TACC2: variants seen among roughly 807,000 people sequenced by gnomAD.
TACC2 encodes the protein transforming acidic coiled-coil containing protein 2.
TACC2 carries 137 observed loss-of-function variants against 227.3 expected under a neutral mutation model. The observed-to-expected ratio is 0.60, with a 90% CI of 0.52 to 0.69. TACC2 has a LOEUF of 0.69. Ranked by LOEUF, TACC2 falls within the 30% of genes least tolerant of loss-of-function variation. The pLI is 0.00. For synonymous variants in TACC2, 1,523 were observed against 1,487.5 expected, an observed-to-expected ratio of 1.02 and a Z score of -0.55; for missense variants, 3,470 against 3,694.4, an observed-to-expected ratio of 0.94 and a Z score of 1.57.
intron 3 of TACC2, among the ~76,000 whole-genome samples, chr10:122,057,686 G>C (rs2076346855): frequency 6.6e-6 from 1 of 151,954 alleles, no homozygotes; most frequent in Non-Finnish European, 1.5e-5. Context: ...CAGGCATGGT[G>C]GTGGGCACCT....
chr10:122,077,601 G>A (rs1184783526), intron 3 of TACC2, among the ~76,000 whole-genome samples: 2 of 152,184 alleles, frequency 1.3e-5, no homozygotes, highest in Non-Finnish European at 2.9e-5. Context: ...CGAAGCCACA[G>A]TGGGGTGACA....
intron 5 of TACC2, among the ~76,000 whole-genome samples, chr10:122,129,890 T>C (rs1161121268): frequency 6.6e-6 from 1 of 152,224 alleles, no homozygotes; most frequent in South Asian, 2.1e-4. Context: ...ACACATGTGC[T>C]AGTCCAATCG....
intron 18 of TACC2, 156 bp from the exon 19 acceptor site, chr10:122,241,802 A>G (rs1263381819): frequency 5.7e-6 from 4 of 705,148 alleles, no homozygotes; most frequent in Non-Finnish European, 1.0e-5. Flanking sequence ...AGAGTCACGC[A>G]CCAGGAAAAT....
At chr10:122,177,821 G>A (rs2093794959) in intron 7 of TACC2, among the ~76,000 whole-genome samples, 1 of 152,174 alleles carries the variant, frequency 6.6e-6, no homozygotes, top group African/African-American at 2.4e-5. Context: ...AGAAGCTCCA[G>A]ATCCTGGGTA....
intron 3 of TACC2, among the ~76,000 whole-genome samples, chr10:122,082,231 C>T (rs2079593444): frequency 6.6e-6 from 1 of 152,098 alleles, no homozygotes; most frequent in African/African-American, 2.4e-5. Context: ...CTGCTTGAGC[C>T]GAGGAGGCCT....
intron 1 of TACC2, among the ~76,000 whole-genome samples, chr10:122,005,140 G>T (rs1208667138): frequency 4.0e-5 from 6 of 150,252 alleles, no homozygotes; most frequent in East Asian, 2.0e-4. Flanking sequence ...GGAGTGCAAT[G>T]GTGCAATCCG....
intron 5 of TACC2, among the ~76,000 whole-genome samples, chr10:122,107,675 CATAT>C (rs141722535): frequency 1.4e-5 from 2 of 148,078 alleles, no homozygotes; most frequent in African/African-American, 2.5e-5. Flanking sequence ...TTTTTTAAAA[CATAT>C]ATATATATAT....
intron 7 of TACC2, among the ~76,000 whole-genome samples, chr10:122,147,485 G>A (rs1398611394): frequency 2.6e-5 from 4 of 152,142 alleles, no homozygotes; most frequent in Non-Finnish European, 5.9e-5. Flanking sequence ...GTCGTCTGTG[G>A]AAGGAAGTCA....
At chr10:122,140,040 G>GA (rs2090305259) in intron 6 of TACC2, among the ~76,000 whole-genome samples, 2 of 152,244 alleles carry the variant, frequency 1.3e-5, no homozygotes, top group African/African-American at 4.8e-5. Flanking sequence ...ACTGCGGCCG[G>GA]ATCTGCAGGG....
intron 7 of TACC2, among the ~76,000 whole-genome samples, chr10:122,191,754 A>G (rs1464610004): frequency 6.6e-6 from 1 of 152,274 alleles, no homozygotes; most frequent in Non-Finnish European, 1.5e-5. Flanking sequence ...ATATTTCAGC[A>G]GATTGTAATG....
At chr10:122,030,542 C>T (rs1591265501) in intron 2 of TACC2, among the ~76,000 whole-genome samples, 1 of 152,034 alleles carries the variant, frequency 6.6e-6, no homozygotes, top group South Asian at 2.1e-4. Context: ...GGTTCAATAC[C>T]CGCATCCCAC....
chr10:122,049,848 AAAC>A (rs1215533832), intron 2 of TACC2, among the ~76,000 whole-genome samples: 15 of 152,168 alleles, frequency 9.9e-5, no homozygotes, highest in Admixed American at 6.5e-5. Context: ...TGGTTTATAA[AAAC>A]AACAACAACA....
chr10:122,044,698 T>A (rs578091568), intron 2 of TACC2, among the ~76,000 whole-genome samples: 15 of 148,972 alleles, frequency 1.0e-4, no homozygotes, highest in Admixed American at 7.4e-4. Context: ...TTTTTTTTTT[T>A]ATGGTGAAAT....
chr10:122,119,267 CAA>C (rs2085279373), intron 5 of TACC2, among the ~76,000 whole-genome samples: 2 of 152,136 alleles, frequency 1.3e-5, no homozygotes, highest in Admixed American at 6.5e-5. Flanking sequence ...AACTGAAGCT[CAA>C]AGAGGTTAAT....
intron 2 of TACC2, among the ~76,000 whole-genome samples, chr10:122,032,031 A>G (rs976075856): frequency 6.6e-6 from 1 of 151,942 alleles, no homozygotes; most frequent in Non-Finnish European, 1.5e-5. Context: ...CAGACCCCAT[A>G]AGGAATCTGA....
chr10:122,015,524 C>T (rs1429962686), intron 1 of TACC2, among the ~76,000 whole-genome samples: 3 of 151,360 alleles, frequency 2.0e-5, no homozygotes, highest in African/African-American at 4.9e-5. Flanking sequence ...AATAAAGAAA[C>T]AAAAAAACTC....
intron 2 of TACC2, chr10:122,023,896 A>T (rs1957661498): frequency 1.3e-5 from 2 of 151,718 alleles, no homozygotes; most frequent in African/African-American, 4.8e-5. Flanking sequence ...TTCTTGTCCT[A>T]CTGTCTTAAA....
At chr10:122,208,883 A>G (rs2095215182) in intron 8 of TACC2, among the ~76,000 whole-genome samples, 1 of 152,186 alleles carries the variant, frequency 6.6e-6, no homozygotes, top group Non-Finnish European at 1.5e-5. Context: ...CTCTTGTCCA[A>G]TGACACACTT....
At chr10:122,079,885 G>A (rs533282113) in intron 3 of TACC2, among the ~76,000 whole-genome samples, 2 of 152,230 alleles carry the variant, frequency 1.3e-5, no homozygotes, top group African/African-American at 4.8e-5. Flanking sequence ...CTGAGGCCTA[G>A]TGAATTTCAT....
Sources: gnomAD v4.1 joint callset for allele counts (sites outside exome capture counted in the v4.1 genomes callset) on GRCh38, gnomAD v4.1.1 for gene constraint, MANE v1.5 for transcripts, NCBI Gene and HGNC (gene_info 2026-07-23, HGNC 2026-07-21) for gene names.